CUX1: variants seen among roughly 807,000 people sequenced by gnomAD.
CUX1 encodes protein CASP.
CUX1 carries 31 observed loss-of-function variants against 158.8 expected under a neutral mutation model. The ratio of observed to expected loss-of-function variants is 0.20; its 90% CI spans 0.15 to 0.26. The LOEUF (loss-of-function observed/expected upper bound fraction) is 0.26. Among genes scored for constraint, CUX1 ranks in the 10% least tolerant of loss-of-function variants. CUX1 has a pLI of 1.00. For missense variants in CUX1, 1,589 were observed against 2,014.6 expected, an observed-to-expected ratio of 0.79 and a Z score of 4.04; for synonymous variants, 879 against 862.1, an observed-to-expected ratio of 1.02 and a Z score of -0.34.
At position 102,080,485 on chromosome 7, in the gene CUX1, C is replaced by T. The variant is rs782058021; in HGVS notation, c.268+10068C>T. 2.0e-5 allele frequency among the ~76,000 whole-genome samples: 3 copies of T among 152,168 alleles called. No individual in the cohort carries two copies. The South Asian group carries it at 6.2e-4, about 31-fold the overall frequency. ...AGTAGCGTCTGCCGCATTGTGATGT[C>T]ATCGCGGGGACGGTGCTCACAAGGG... On this transcript the variant is annotated intron_variant, in intron 4 of 23. Transcript: ENST00000292535.
chr7:101,891,912 G>A (rs542305777), intron 1 of CUX1, among the ~76,000 whole-genome samples: 8 of 152,326 alleles, frequency 5.3e-5, no homozygotes, highest in South Asian at 2.1e-4. Context: ...CCACTGTATA[G>A]TGTCAATAAG....
intron 8 of CUX1, among the ~76,000 whole-genome samples, chr7:102,141,248 C>T (rs914362744): frequency 1.3e-5 from 2 of 152,166 alleles, no homozygotes; most frequent in Admixed American, 1.3e-4. Flanking sequence ...TGCTGTCTTT[C>T]CTATGAACGT....
At chr7:101,821,372 T>C (rs1218358963) in intron 1 of CUX1, among the ~76,000 whole-genome samples, 1 of 150,948 alleles carries the variant, frequency 6.6e-6, no homozygotes, top group Non-Finnish European at 1.5e-5. Context: ...AGAGTCTCGC[T>C]CTTTCGCCCA....
chr7:102,194,108 C>A, intron 13 of CUX1: 1 of 591,514 alleles, frequency 1.7e-6, no homozygotes, highest in Non-Finnish European at 3.0e-6. Flanking sequence ...AGGCATAGAT[C>A]AAAAGCCAAG....
intron 1 of CUX1, among the ~76,000 whole-genome samples, chr7:101,900,625 T>C (rs1802046464): frequency 6.6e-6 from 1 of 152,224 alleles, no homozygotes; most frequent in Non-Finnish European, 1.5e-5. Flanking sequence ...ATCTTTTAAC[T>C]TTTCCTTGTA....
intron 1 of CUX1, among the ~76,000 whole-genome samples, chr7:101,876,806 T>C (rs1799194407): frequency 1.3e-5 from 2 of 152,172 alleles, no homozygotes; most frequent in South Asian, 4.1e-4. Context: ...CTATATGATT[T>C]CTCATATTTC....
chr7:102,163,505 G>A (rs1026777170), intron 9 of CUX1, among the ~76,000 whole-genome samples: 15 of 152,128 alleles, frequency 9.9e-5, no homozygotes, highest in Non-Finnish European at 1.8e-4. Flanking sequence ...GAGGGTCTGA[G>A]TATGAAGGAT....
At chr7:102,118,006 C>T (rs1831615022) in intron 8 of CUX1, among the ~76,000 whole-genome samples, 1 of 152,214 alleles carries the variant, frequency 6.6e-6, no homozygotes. Flanking sequence ...TGGCTACTTT[C>T]TTTTAACTTT....
In CUX1 at chr7:102,209,599, C is replaced by G. The variant is rs190622821; in HGVS notation, c.3130+4429C>G. 1.6e-3 allele frequency among the ~76,000 whole-genome samples: 251 copies of G among 152,190 alleles called. 1 individual carries two copies. The Middle Eastern group carries it at 0.024, about 14-fold the overall frequency. On this transcript the variant is annotated intron_variant, in intron 20 of 23. Coordinates refer to ENST00000292535, the MANE Select transcript of CUX1 (RefSeq NM_181552.4). ...TTTTTGTTTGCTTCTTGCAAAATGC[C>G]CAGCACCTTGGGATATAAAGGGGGG...
chr7:102,032,033 T>C (rs1691861234), intron 3 of CUX1, among the ~76,000 whole-genome samples: 2 of 151,964 alleles, frequency 1.3e-5, no homozygotes, highest in South Asian at 4.2e-4. Flanking sequence ...TCAAGCGATT[T>C]GCCCACCTCA....
At chr7:102,170,811 C>T (rs1054285648) in intron 10 of CUX1, among the ~76,000 whole-genome samples, 4 of 151,070 alleles carry the variant, frequency 2.6e-5, no homozygotes, top group Non-Finnish European at 2.9e-5. Flanking sequence ...TACGCAGGCA[C>T]AGTCACAGAC....
chr7:102,217,316 A>G (rs1410758859), intron 20 of CUX1, among the ~76,000 whole-genome samples: 1 of 152,258 alleles, frequency 6.6e-6, no homozygotes, highest in Non-Finnish European at 1.5e-5. Context: ...TAAAAGATAC[A>G]CAAGCCAACT....
At chr7:102,140,890 A>C (rs1319842126) in intron 8 of CUX1, among the ~76,000 whole-genome samples, 13 of 151,538 alleles carry the variant, frequency 8.6e-5, no homozygotes, top group Admixed American at 6.6e-5. Context: ...CAGCATTACT[A>C]TGCCACCCTG....
chr7:101,908,239 G>A (rs56000876), intron 1 of CUX1, among the ~76,000 whole-genome samples: 122 of 152,330 alleles, frequency 8.0e-4, no homozygotes, highest in Non-Finnish European at 1.5e-3. Context: ...CTGGGGAGGT[G>A]TTTTTACACT....
chr7:102,081,334 G>C (rs1252262487), intron 4 of CUX1, among the ~76,000 whole-genome samples: 1 of 117,802 alleles, frequency 8.5e-6, no homozygotes, highest in African/African-American at 2.6e-5. Flanking sequence ...GTTTGGCTCT[G>C]TGTCCCCACC....
At chr7:102,051,051 C>T (rs887752163) in intron 3 of CUX1, among the ~76,000 whole-genome samples, 1 of 152,098 alleles carries the variant, frequency 6.6e-6, no homozygotes, top group African/African-American at 2.4e-5. Context: ...GCATAAGCTG[C>T]CCCCACCCCG....
intron 5 of CUX1, among the ~76,000 whole-genome samples, chr7:102,101,231 G>A (rs1212542569): frequency 2.6e-5 from 4 of 152,214 alleles, no homozygotes; most frequent in African/African-American, 9.7e-5. Flanking sequence ...AGAGCAAAGA[G>A]GGAACTTCTG....
At chr7:101,935,218 A>G (rs1214151467) in intron 2 of CUX1, among the ~76,000 whole-genome samples, 4 of 152,090 alleles carry the variant, frequency 2.6e-5, no homozygotes, top group African/African-American at 9.7e-5. Context: ...AAGCTCCCCT[A>G]CTGAGCACCT....
At chr7:102,179,408 G>C (rs1792779753) in intron 11 of CUX1, among the ~76,000 whole-genome samples, 2 of 152,126 alleles carry the variant, frequency 1.3e-5, no homozygotes, top group South Asian at 4.1e-4. Context: ...GGAGGAGCTG[G>C]TGTACTATAA....
Sources: allele counts gnomAD v4.1 joint callset (sites outside exome capture counted in the v4.1 genomes callset), GRCh38; gene constraint gnomAD v4.1.1; transcripts MANE v1.5; gene names NCBI Gene and HGNC (gene_info 2026-07-23, HGNC 2026-07-21).